The following POLA1 variants were observed in gnomAD, a reference collection of about 807,000 sequenced individuals.
The protein encoded by POLA1 is DNA polymerase alpha 1, catalytic subunit.
POLA1 carries 15 observed loss-of-function variants against 124.0 expected under a neutral mutation model. That is an observed-to-expected ratio of 0.12 (90% CI 0.08 to 0.19). The LOEUF is 0.19. POLA1 is among the 10% of genes least tolerant of loss of function. The pLI, the probability that POLA1 is intolerant of heterozygous loss-of-function variation, is 1.00. For synonymous variants in POLA1, 408 were observed against 389.4 expected, an observed-to-expected ratio of 1.05 and a Z score of -0.56; for missense variants, 886 against 1,103.4, an observed-to-expected ratio of 0.80 and a Z score of 2.79.
intron 36 of POLA1, among the ~76,000 whole-genome samples, chrX:24,956,142 C>G (rs2048103257): frequency 9.3e-6 from 1 of 107,699 alleles, no homozygotes; most frequent in Non-Finnish European, 1.9e-5. Context: ...AAAAAATTAG[C>G]TGAGCATGGT....
At chrX:24,906,112 A>G (rs1168247049) in intron 35 of POLA1, among the ~76,000 whole-genome samples, 1 of 112,035 alleles carries the variant, frequency 8.9e-6, no homozygotes, top group African/African-American at 3.2e-5. Context: ...TTCCTTAAAG[A>G]ACTAAAAGTA....
chrX:24,814,891 C>G, intron 29 of POLA1, 88 bp from the exon 30 acceptor site: 1 of 814,606 alleles, frequency 1.2e-6, no homozygotes. Flanking sequence ...AATCTAATGG[C>G]ATTTCTCTTC....
In POLA1 at chrX:24,996,688, G is replaced by C. The variant is rs1427796085; in HGVS notation, c.*738G>C. The C allele has an allele frequency of 8.9e-6, 1 of 112,583 alleles. No homozygotes were observed. Among genetic ancestry groups the C allele is most frequent in the Non-Finnish European group, 1.9e-5 (1 of 53,312 alleles). 9.3% of individuals were successfully genotyped at this position (112,583 alleles called of 1,213,427 possible). ...CTCTAACAATCCATTAACATGTGTA[G>C]GGGTTACGGTGAGGATCACTGTGTT... On this transcript the variant is annotated 3_prime_UTR_variant, in exon 37 of 37. Transcript: ENST00000379068.
chrX:24,944,311 G>C (rs1386212009), intron 36 of POLA1, among the ~76,000 whole-genome samples: 1 of 111,190 alleles, frequency 9.0e-6, no homozygotes, highest in African/African-American at 3.3e-5. Context: ...TCCTTTCACA[G>C]CCAGCTTGCT....
At chrX:24,909,967 G>A (rs2047424423) in intron 35 of POLA1, among the ~76,000 whole-genome samples, 1 of 110,830 alleles carries the variant, frequency 9.0e-6, no homozygotes, top group South Asian at 3.9e-4. Context: ...TTGTAAGGTG[G>A]ATTCCTAGGT....
chrX:24,936,632 C>T (rs932698032), intron 36 of POLA1, among the ~76,000 whole-genome samples: 3 of 111,288 alleles, frequency 2.7e-5, no homozygotes, highest in South Asian at 3.8e-4. Context: ...CCTGGGTTCA[C>T]GCCATTCTCC....
chrX:24,994,372 G>A (rs1438454975), intron 36 of POLA1, among the ~76,000 whole-genome samples: 2 of 112,628 alleles, frequency 1.8e-5, no homozygotes, highest in Admixed American at 9.3e-5. Flanking sequence ...TTCGTTTTCC[G>A]GGTGTTTTGT....
At chrX:24,849,402 A>G (rs1350099165) in intron 34 of POLA1, among the ~76,000 whole-genome samples, 4 of 112,795 alleles carry the variant, frequency 3.5e-5, no homozygotes, top group African/African-American at 1.3e-4. Context: ...TTGGGAAGCC[A>G]AACATAAATG....
At chrX:24,737,939 C>T (rs1931380880) in intron 19 of POLA1, among the ~76,000 whole-genome samples, 198 bp downstream of exon 19, 1 of 99,425 alleles carries the variant, frequency 1.0e-5, no homozygotes, top group Admixed American at 1.0e-4. Context: ...TTTGGCCGGG[C>T]GCGGTGGCTC....
Position 24,695,965 on chromosome X carries a change from G to T in POLA1, c.43+1961G>T, listed in dbSNP as rs749888655. ...AAACATCTAATCATATGCAGAAAACGGCTTTGCTTTGTTTTTGCCTTCTAA... is the reference window on the plus strand; with the variant it reads ...AAACATCTAATCATATGCAGAAAACTGCTTTGCTTTGTTTTTGCCTTCTAA... On this transcript the variant is annotated intron_variant, in intron 1 of 36. Coordinates refer to ENST00000379068, the MANE Select transcript of POLA1 (RefSeq NM_001330360.2). 7.1e-5 allele frequency among the ~76,000 whole-genome samples: 8 copies of T among 112,815 alleles called. No homozygotes were observed. In the South Asian group the frequency reaches 2.5e-3, roughly 36 times the overall value.
intron 11 of POLA1, among the ~76,000 whole-genome samples, chrX:24,724,124 T>A (rs1456293926): frequency 2.2e-4 from 25 of 112,626 alleles, no homozygotes; most frequent in African/African-American, 8.1e-4. Flanking sequence ...CGCTGATTTG[T>A]TTTTTATGAT....
chrX:24,851,132 A>G (rs1189318916), intron 34 of POLA1, among the ~76,000 whole-genome samples: 1 of 112,480 alleles, frequency 8.9e-6, no homozygotes, highest in African/African-American at 3.2e-5. Flanking sequence ...GCATTGGGAA[A>G]TGGATACTAA....
rs1406348463 is a variant in POLA1, at chrX:24,709,982, C to T, written c.347-4572C>T. ...GCAGAGACACTCCTCACTTCCCAGA[C>T]GGGGTGGCGGCCGGGCAGAGGCTGC... On this transcript the variant is annotated intron_variant, in intron 4 of 36. Coordinates refer to ENST00000379068, the MANE Select transcript of POLA1 (RefSeq NM_001330360.2). 1.3e-4 allele frequency among the ~76,000 whole-genome samples: 12 copies of T among 90,945 alleles called. No homozygotes were observed. In the East Asian group the frequency reaches 2.9e-3, roughly 22 times the overall value. 79.0% of individuals were successfully genotyped at this position (90,945 alleles called of 115,157 possible).
chrX:24,715,271 T>C, intron 6 of POLA1, 68 bp downstream of exon 6: 2 of 698,432 alleles, frequency 2.9e-6, no homozygotes. Context: ...CTAGTAATTA[T>C]ACAAAACAGA....
At chrX:24,735,040 A>ATT (rs1931187179) in intron 17 of POLA1, among the ~76,000 whole-genome samples, 1 of 112,322 alleles carries the variant, frequency 8.9e-6, no homozygotes, top group African/African-American at 3.2e-5. Context: ...ATAAACAGTG[A>ATT]AGTCTACCAG....
chrX:24,910,659 G>C (rs895568546), intron 35 of POLA1, among the ~76,000 whole-genome samples: 2 of 111,405 alleles, frequency 1.8e-5, no homozygotes, highest in Non-Finnish European at 3.8e-5. Context: ...AGCTAAAGAG[G>C]AATACTACAT....
At chrX:24,725,837 A>G in intron 12 of POLA1, 144 bp from the exon 13 acceptor site, 1 of 413,866 alleles carries the variant, frequency 2.4e-6, no homozygotes, top group East Asian at 4.2e-5. Flanking sequence ...TCCAATTGAA[A>G]GAGGAAAGGG....
intron 26 of POLA1, among the ~76,000 whole-genome samples, chrX:24,793,488 T>C (rs969020619): frequency 9.0e-6 from 1 of 111,433 alleles, no homozygotes; most frequent in African/African-American, 3.3e-5. Context: ...AAAGAGATTG[T>C]TCACAAAAAT....
chrX:24,817,152 AAGT>A (rs1368593659), intron 30 of POLA1, among the ~76,000 whole-genome samples: 1 of 111,818 alleles, frequency 8.9e-6, no homozygotes, highest in Non-Finnish European at 1.9e-5. Context: ...AGCTGTTGGC[AAGT>A]AGTAGTTGTT....
Sources: allele counts gnomAD v4.1 joint callset (sites outside exome capture counted in the v4.1 genomes callset), GRCh38; gene constraint gnomAD v4.1.1; transcripts MANE v1.5; gene names NCBI Gene and HGNC (gene_info 2026-07-23, HGNC 2026-07-21).